The following ARMC8 variants were observed in gnomAD, a reference collection of about 807,000 sequenced individuals.
The protein encoded by ARMC8 is armadillo repeat-containing protein 8.
In ARMC8, 20 loss-of-function variants were observed where a neutral mutation model predicts 99.3. The ratio of observed to expected loss-of-function variants is 0.20; its 90% confidence interval spans 0.14 to 0.29. The LOEUF (loss-of-function observed/expected upper bound fraction) is 0.29, where lower values mean the gene tolerates loss of function less well. Among genes scored for constraint, ARMC8 ranks in the 10% least tolerant of loss-of-function variants. The pLI, the probability that ARMC8 is intolerant of heterozygous loss-of-function variation, is 1.00. For missense variants in ARMC8, 569 were observed against 809.5 expected, an observed-to-expected ratio of 0.70 and a Z score of 3.60; for synonymous variants, 263 against 278.3, an observed-to-expected ratio of 0.95 and a Z score of 0.55.
At chr3:138,252,828 G>C (rs986527859) in intron 12 of ARMC8, among the ~76,000 whole-genome samples, 7 of 142,476 alleles carry the variant, frequency 4.9e-5, no homozygotes, top group African/African-American at 1.6e-4. Context: ...ATATGCCTGT[G>C]TGTACTGGCA....
intron 19 of ARMC8, 66 bp downstream of exon 19, chr3:138,284,592 T>C: frequency 1.7e-6 from 2 of 1,189,098 alleles, no homozygotes; most frequent in Non-Finnish European, 1.2e-6. Context: ...TAACTCAAAA[T>C]AAATTGTGCA....
At chr3:138,209,442 T>G (rs1394404582) in intron 1 of ARMC8, among the ~76,000 whole-genome samples, 2 of 152,226 alleles carry the variant, frequency 1.3e-5, no homozygotes, top group African/African-American at 4.8e-5. Context: ...ATCTTCCTGA[T>G]GATTCTTCTG....
intron 2 of ARMC8, among the ~76,000 whole-genome samples, chr3:138,212,644 G>C (rs940440816): frequency 6.6e-6 from 1 of 152,024 alleles, no homozygotes; most frequent in African/African-American, 2.4e-5. Context: ...ATAGAAAAAG[G>C]GAATGAAAAT....
intron 1 of ARMC8, among the ~76,000 whole-genome samples, chr3:138,204,192 C>G (rs1235656297): frequency 1.3e-5 from 2 of 152,106 alleles, no homozygotes; most frequent in Non-Finnish European, 2.9e-5. Flanking sequence ...CTCTGTGGAT[C>G]AAGCGATTCT....
At chr3:138,221,503 A>G (rs2045391429) in intron 2 of ARMC8, among the ~76,000 whole-genome samples, 1 of 152,198 alleles carries the variant, frequency 6.6e-6, no homozygotes, top group African/African-American at 2.4e-5. Context: ...TATATAAAGA[A>G]GTAAAAAAAA....
chr3:138,214,665 G>A (rs1486936451), intron 2 of ARMC8, among the ~76,000 whole-genome samples: 1 of 151,956 alleles, frequency 6.6e-6, no homozygotes, highest in African/African-American at 2.4e-5. Flanking sequence ...CAGTTTTTTT[G>A]TTTTGTTTTG....
intron 6 of ARMC8, among the ~76,000 whole-genome samples, chr3:138,229,235 A>G (rs1454898683): frequency 7.0e-6 from 1 of 142,844 alleles, no homozygotes; most frequent in Non-Finnish European, 1.5e-5. Flanking sequence ...TTAAAACACA[A>G]ATGACAGCAT....
At chr3:138,288,762 C>T (rs2050667112) in intron 19 of ARMC8, among the ~76,000 whole-genome samples, 1 of 151,596 alleles carries the variant, frequency 6.6e-6, no homozygotes. Context: ...CTCAGCCTCC[C>T]TAGTAGCTGA....
chr3:138,194,167 C>T (rs546893468), intron 1 of ARMC8, among the ~76,000 whole-genome samples: 4 of 151,530 alleles, frequency 2.6e-5, no homozygotes, highest in East Asian at 1.9e-4. Context: ...CTCAGCCTCC[C>T]GAGTAGCTGG....
intron 16 of ARMC8, among the ~76,000 whole-genome samples, 200 bp downstream of exon 16, chr3:138,270,332 C>T (rs139572742): frequency 2.0e-5 from 3 of 152,152 alleles, no homozygotes; most frequent in Non-Finnish European, 4.4e-5. Context: ...GTTATGCCTC[C>T]GTTCTCTTAT....
At position 138,264,514 on chromosome 3, in the gene ARMC8, G is replaced by A. The variant is rs1028182198; in HGVS notation, c.1299+302G>A. ...GGCTCACTGCAACCTCCACCTCCCC[G>A]GTTCAAGCGATTCTTCTGCCTCAGC... On this transcript the variant is annotated intron_variant, in intron 14 of 21. Coordinates refer to ENST00000469044, the MANE Select transcript of ARMC8 (RefSeq NM_001363941.2). Among the ~76,000 whole-genome samples the A allele has an allele frequency of 8.2e-5, 12 of 146,784 alleles. No individual in the cohort carries two copies. The South Asian group carries it at 1.1e-3, about 13-fold the overall frequency.
At chr3:138,258,866 C>G (rs2047528624) in intron 12 of ARMC8, among the ~76,000 whole-genome samples, 1 of 152,254 alleles carries the variant, frequency 6.6e-6, no homozygotes, top group African/African-American at 2.4e-5. Context: ...CTCCTCCACT[C>G]TGAGGATTCA....
intron 6 of ARMC8, among the ~76,000 whole-genome samples, chr3:138,231,961 CTTT>C (rs61298993): frequency 6.8e-5 from 4 of 58,630 alleles, no homozygotes; most frequent in Admixed American, 3.2e-4. Flanking sequence ...CTTGCAATTG[CTTT>C]TTTTTTTTTT....
intron 7 of ARMC8, 66 bp downstream of exon 7, chr3:138,235,180 A>G: frequency 9.1e-7 from 1 of 1,101,754 alleles, no homozygotes; most frequent in South Asian, 1.4e-5. Context: ...ACAGACCCAC[A>G]TATTTTTATT....
Position 138,209,866 on chromosome 3 carries a change from A to T in ARMC8, c.95A>T (p.Asp32Val). 6.2e-7 allele frequency: 1 copy of T among 1,613,934 alleles called. No individual in the cohort carries two copies. The highest frequency in any genetic ancestry group is 8.5e-7 in the Non-Finnish European group (1 of 1,179,886). ...RHYVDRLFDPDPQKVLQGVID... is the reference protein window; with the variant it reads ...RHYVDRLFDPVPQKVLQGVID... ...TATGTTGACAGGCTATTTGACCCTG[A>T]TCCCCAGAAAGTTCTACAAGGTGTC... Residue 32 changes from aspartate to valine, a missense_variant, in exon 2 of 22, where the codon GAT (aspartate) becomes GTT (valine). Around this residue, in one of 2 missense-constraint regions of ARMC8, gnomAD observed 342 missense variants for 391.6 expected, o/e 0.87. Transcript: ENST00000469044.
intron 12 of ARMC8, among the ~76,000 whole-genome samples, chr3:138,255,287 C>T (rs548001959): frequency 3.0e-4 from 45 of 150,042 alleles, no homozygotes; most frequent in Non-Finnish European, 5.8e-4. Flanking sequence ...ACTGCAAGCT[C>T]CACCTCCCGG....
chr3:138,216,037 C>T (rs929079276), intron 2 of ARMC8, among the ~76,000 whole-genome samples: 2 of 150,292 alleles, frequency 1.3e-5, no homozygotes, highest in African/African-American at 4.9e-5. Context: ...TGCCACCATG[C>T]CCAGCTAATT....
chr3:138,228,574 C>T, intron 5 of ARMC8: 2 of 397,604 alleles, frequency 5.0e-6, no homozygotes, highest in South Asian at 1.9e-5. Context: ...TTTACTAGTG[C>T]ATAACGTACT....
chr3:138,224,050 G>T (rs570533400), intron 5 of ARMC8, among the ~76,000 whole-genome samples: 2 of 145,460 alleles, frequency 1.4e-5, no homozygotes, highest in African/African-American at 5.2e-5. Context: ...CCTTCACCCT[G>T]CCAGGTTTAA....
Sources: allele counts gnomAD v4.1 joint callset (sites outside exome capture counted in the v4.1 genomes callset), GRCh38; gene constraint gnomAD v4.1.1; regional missense constraint gnomAD v4.1.1; transcripts MANE v1.5; gene names NCBI Gene and HGNC (gene_info 2026-07-23, HGNC 2026-07-21).